Variants in GARNL3 observed in about 807,000 individuals in gnomAD.
The protein encoded by GARNL3 is GTPase-activating Rap/Ran-GAP domain-like protein 3.
In GARNL3, 63 loss-of-function variants were observed where a neutral mutation model predicts 125.0. The observed-to-expected ratio is 0.50, with a 90% confidence interval of 0.41 to 0.62. The LOEUF (loss-of-function observed/expected upper bound fraction) is 0.62. GARNL3 is among the 20% of genes least tolerant of loss of function. The pLI, the probability that GARNL3 is intolerant of heterozygous loss-of-function variation, is 0.00. For synonymous variants in GARNL3, 439 were observed against 457.5 expected, an observed-to-expected ratio of 0.96 and a Z score of 0.52; for missense variants, 994 against 1,244.0, an observed-to-expected ratio of 0.80 and a Z score of 3.02.
At chr9:127,388,632 G>T in intron 25 of GARNL3, 1 of 474,394 alleles carries the variant, frequency 2.1e-6, no homozygotes, top group Non-Finnish European at 3.8e-6. Context: ...CCCAAGCAGG[G>T]CAGCTTTTTG....
At chr9:127,314,308 C>T (rs754837830) in intron 4 of GARNL3, among the ~76,000 whole-genome samples, 2 of 152,164 alleles carry the variant, frequency 1.3e-5, no homozygotes, top group Non-Finnish European at 2.9e-5. Flanking sequence ...TGAGTTGCTA[C>T]CCTTCTCCAA....
At chr9:127,342,587 G>A (rs561676464) in intron 14 of GARNL3, among the ~76,000 whole-genome samples, 60 of 152,272 alleles carry the variant, frequency 3.9e-4, no homozygotes, top group African/African-American at 1.3e-3. Context: ...TGCAAACCAG[G>A]GACAGGGAGG....
At chr9:127,382,720 G>A (rs1243983177) in intron 22 of GARNL3, among the ~76,000 whole-genome samples, 5 of 152,162 alleles carry the variant, frequency 3.3e-5, no homozygotes, top group African/African-American at 1.2e-4. Context: ...TCTGAACCAC[G>A]TGGACTTGTG....
At chr9:127,263,769 A>G, upstream of GARNL3, 2 of 1,226,528 alleles carry the variant, frequency 1.6e-6, no homozygotes, top group Non-Finnish European at 2.0e-6. Flanking sequence ...AAAAGGTTAA[A>G]TTTCTCATAT....
chr9:127,243,661 A>C (rs891895129), intron 2 of GARNL3, among the ~76,000 whole-genome samples: 2 of 152,232 alleles, frequency 1.3e-5, no homozygotes, highest in African/African-American at 2.4e-5. Context: ...TTAGAGAATA[A>C]TACATTTTAC....
intron 11 of GARNL3, among the ~76,000 whole-genome samples, chr9:127,336,552 G>A (rs1829564260): frequency 6.6e-6 from 1 of 152,212 alleles, no homozygotes; most frequent in African/African-American, 2.4e-5. Context: ...TATAGGTGCT[G>A]AATTCTCTGA....
chr9:127,239,144 C>A (rs1229811099), intron 1 of GARNL3, among the ~76,000 whole-genome samples: 1 of 152,184 alleles, frequency 6.6e-6, no homozygotes, highest in Non-Finnish European at 1.5e-5. Context: ...AAGGCAAGAC[C>A]CTCTGTGGGT....
At chr9:127,284,051 T>C (rs573810849) in intron 1 of GARNL3, among the ~76,000 whole-genome samples, 1 of 152,332 alleles carries the variant, frequency 6.6e-6, no homozygotes, top group Non-Finnish European at 1.5e-5. Context: ...CCCACTTTTC[T>C]GTGAGTGTGT....
At chr9:127,387,926 G>T (rs368057428) in intron 25 of GARNL3, among the ~76,000 whole-genome samples, 11 of 151,934 alleles carry the variant, frequency 7.2e-5, no homozygotes, top group Non-Finnish European at 1.3e-4. Flanking sequence ...CAGATGGATC[G>T]CTTGAGCCCA....
At chr9:127,386,770 G>A (rs542185336) in intron 24 of GARNL3, among the ~76,000 whole-genome samples, 5 of 152,340 alleles carry the variant, frequency 3.3e-5, no homozygotes, top group Admixed American at 1.3e-4. Flanking sequence ...TCACGGGTGT[G>A]CCTGAGTATC....
chr9:127,366,638 A>G (rs1357243216), intron 22 of GARNL3: 3 of 152,214 alleles, frequency 2.0e-5, no homozygotes, highest in Non-Finnish European at 4.4e-5. Context: ...GTGTGAAAGG[A>G]TGGAAGGGAT....
At chr9:127,367,345 T>C (rs1588946069) in intron 22 of GARNL3, 1 of 152,224 alleles carries the variant, frequency 6.6e-6, no homozygotes, top group South Asian at 2.1e-4. Flanking sequence ...GAAACTGATT[T>C]GTATCATTGA....
intron 8 of GARNL3, among the ~76,000 whole-genome samples, 200 bp from the exon 9 acceptor site, chr9:127,332,823 C>T (rs1241521468): frequency 6.6e-6 from 1 of 152,210 alleles, no homozygotes; most frequent in East Asian, 1.9e-4. Flanking sequence ...TCTGATTCTG[C>T]AGTTTTCCTT....
At chr9:127,270,293 T>C (rs980337701) in intron 1 of GARNL3, among the ~76,000 whole-genome samples, 1 of 152,158 alleles carries the variant, frequency 6.6e-6, no homozygotes, top group African/African-American at 2.4e-5. Flanking sequence ...TGTCTGTCCT[T>C]ATGACAGAAT....
At chr9:127,312,745 A>G (rs2131470765) in intron 3 of GARNL3, among the ~76,000 whole-genome samples, 1 of 152,342 alleles carries the variant, frequency 6.6e-6, no homozygotes, top group South Asian at 2.1e-4. Flanking sequence ...TTATTTGGCC[A>G]GGCAAAGTTT....
chr9:127,342,897 T>C (rs868241937), intron 14 of GARNL3, among the ~76,000 whole-genome samples: 10,239 of 145,352 alleles, frequency 0.07, 995 homozygotes, highest in African/African-American at 0.22. Flanking sequence ...CTTTTCTTTT[T>C]TTTTTTTTTT....
chr9:127,377,137 TTTAACA>T (rs1831960695), intron 22 of GARNL3, among the ~76,000 whole-genome samples: 1 of 152,230 alleles, frequency 6.6e-6, no homozygotes, highest in South Asian at 2.1e-4. Flanking sequence ...TGATTATTTC[TTTAACA>T]TTATAATTTA....
At chr9:127,290,208 A>G (rs1348877168) in intron 1 of GARNL3, among the ~76,000 whole-genome samples, 1 of 152,248 alleles carries the variant, frequency 6.6e-6, no homozygotes, top group Admixed American at 6.5e-5. Flanking sequence ...CTGTTTCTAT[A>G]TTTATCGTAG....
intron 2 of GARNL3, among the ~76,000 whole-genome samples, chr9:127,308,582 TGTC>T (rs2065016958): frequency 6.6e-6 from 1 of 151,694 alleles, no homozygotes. Flanking sequence ...AAAATGTCAA[TGTC>T]ATAAAGACAA....
Sources: gnomAD v4.1 joint callset for allele counts (sites outside exome capture counted in the v4.1 genomes callset) on GRCh38, gnomAD v4.1.1 for gene constraint, MANE v1.5 for transcripts, NCBI Gene and HGNC (gene_info 2026-07-23, HGNC 2026-07-21) for gene names.